The following CFAP46 variants were observed in gnomAD, a reference collection of about 807,000 sequenced individuals.
CFAP46 encodes the protein cilia- and flagella-associated protein 46.
CFAP46 carries 245 observed loss-of-function variants against 325.7 expected under a neutral mutation model. The observed-to-expected ratio is 0.75, with a 90% CI of 0.68 to 0.84. The LOEUF (loss-of-function observed/expected upper bound fraction) is 0.84, where lower values mean the gene tolerates loss of function less well. Ranked by LOEUF, CFAP46 falls within the 40% of genes least tolerant of loss-of-function variation. The pLI is 0.00. For synonymous variants in CFAP46, 1,523 were observed against 1,495.9 expected, an observed-to-expected ratio of 1.02 and a Z score of -0.42; for missense variants, 3,346 against 3,543.0, an observed-to-expected ratio of 0.94 and a Z score of 1.41.
chr10:132,824,863 CTGATGTGTGCTGTGTGTGCAG>C (rs1848006593), intron 50 of CFAP46, among the ~76,000 whole-genome samples: 1 of 123,750 alleles, frequency 8.1e-6, no homozygotes, highest in Non-Finnish European at 1.6e-5. Flanking sequence ...TGTGTGTGTG[CTGATGTGTGCTGTGTGTGCAG>C]TGATGTGTGC....
rs564299030 is a variant in CFAP46, at chr10:132,814,075, G to A, written c.7388+77C>T. On this transcript the variant is annotated intron_variant, in intron 54 of 57. Coordinates refer to ENST00000368586, the MANE Select transcript of CFAP46 (RefSeq NM_001200049.3). ...GGCAGGGCAGACCCAGGGAGCCGGG[G>A]GTAGGGGGCAGTGGCTCCCCGCTGG... The A allele has an allele frequency of 1.6e-4, 185 of 1,148,792 alleles. 1 individual carries two copies. The African/African-American group carries it at 2.4e-3, about 15-fold the overall frequency. The allele number at this position is 1,148,792 out of a possible 1,614,324, so 71.2% of individuals were successfully genotyped here. A position where few individuals can be genotyped will look rare whatever the true frequency, so the allele number is the denominator to read the frequency against.
intron 24 of CFAP46, among the ~76,000 whole-genome samples, chr10:132,895,182 T>C (rs1454987810): frequency 2.0e-5 from 3 of 152,180 alleles, no homozygotes; most frequent in African/African-American, 7.2e-5. Flanking sequence ...ATGCACAGTA[T>C]TCAGCATTAA....
chr10:132,852,324 C>T (rs1848567774), intron 39 of CFAP46, among the ~76,000 whole-genome samples: 1 of 110,844 alleles, frequency 9.0e-6, no homozygotes, highest in African/African-American at 3.2e-5. Context: ...CCTCCATTTA[C>T]TTAGGAATTC....
chr10:132,935,499 ACTCCCCT>A (rs1849982660), intron 7 of CFAP46, among the ~76,000 whole-genome samples: 1 of 137,238 alleles, frequency 7.3e-6, no homozygotes. Flanking sequence ...TGATCTCCTC[ACTCCCCT>A]CAGCACCCAA....
chr10:132,838,370 A>T (rs879369878), intron 44 of CFAP46, among the ~76,000 whole-genome samples: 2 of 152,286 alleles, frequency 1.3e-5, no homozygotes, highest in Non-Finnish European at 2.9e-5. Context: ...ATATACAGAA[A>T]GTGGCGTAAA....
chr10:132,873,518 C>G (rs1382209474), intron 31 of CFAP46, among the ~76,000 whole-genome samples: 5 of 152,118 alleles, frequency 3.3e-5, no homozygotes, highest in Non-Finnish European at 7.3e-5. Flanking sequence ...CTATCAGGCA[C>G]TGAGGCAGCT....
At chr10:132,839,644 G>C (rs1339422577) in intron 44 of CFAP46, among the ~76,000 whole-genome samples, 1 of 152,178 alleles carries the variant, frequency 6.6e-6, no homozygotes, top group Non-Finnish European at 1.5e-5. Flanking sequence ...ATGCATGCTA[G>C]GGCTGTATAG....
chr10:132,812,164 G>A (rs560038788), intron 55 of CFAP46, among the ~76,000 whole-genome samples: 10 of 152,306 alleles, frequency 6.6e-5, no homozygotes, highest in Non-Finnish European at 8.8e-5. Flanking sequence ...TGCTGTCTCC[G>A]TCAGCACTAC....
At chr10:132,887,165 T>TC (rs1564790349) in intron 25 of CFAP46, among the ~76,000 whole-genome samples, 1 of 31,442 alleles carries the variant, frequency 3.2e-5, no homozygotes, top group African/African-American at 3.4e-4. Flanking sequence ...CTCCTCTCTC[T>TC]TCTTTCCTCT....
chr10:132,837,867 GCACA>G (rs1173693280), intron 44 of CFAP46, among the ~76,000 whole-genome samples: 2 of 136,284 alleles, frequency 1.5e-5, no homozygotes, highest in South Asian at 2.4e-4. Flanking sequence ...GTACACAGAT[GCACA>G]CACACAGACA....
rs376917416 is a variant in CFAP46, at chr10:132,880,850, C to T, written c.3799+11G>A. ...CGTGGGGTCGGCACCCTGCCAGCGG[C>T]GTGGGCTCACCATCCGGCGTGGGCT... On this transcript the variant is annotated intron_variant, in intron 28 of 57. Transcript: ENST00000368586. The T allele has an allele frequency of 3.2e-5, 50 of 1,543,536 alleles. No individual in the cohort carries two copies. Among genetic ancestry groups the T allele is most frequent in the Admixed American group, 7.9e-5 (4 of 50,942 alleles).
Position 132,886,674 on chromosome 10 carries a change from C to G in CFAP46, c.3305-715G>C, listed in dbSNP as rs150981885. 3.0e-3 allele frequency among the ~76,000 whole-genome samples: 453 copies of G among 152,276 alleles called. No homozygotes were observed. The highest frequency in any genetic ancestry group is 0.014 in the Middle Eastern group (4 of 294). ...ACAGGGCCGCATCCCTCACACATCC[C>G]CAGTGAGCACAGAACCCAGCCCACT... On this transcript the variant is annotated intron_variant, in intron 25 of 57. Coordinates refer to ENST00000368586, the MANE Select transcript of CFAP46 (RefSeq NM_001200049.3). This position sits in a 1 kb window ranked among gnomAD's most constrained non-coding sequence, Gnocchi z 5.8.
intron 22 of CFAP46, among the ~76,000 whole-genome samples, chr10:132,900,521 C>G (rs1849379029): frequency 6.6e-6 from 1 of 152,244 alleles, no homozygotes; most frequent in South Asian, 2.1e-4. Context: ...GCCAGGGTCC[C>G]AGAGCCAGGA....
At chr10:132,857,929 G>A (rs989241970) in intron 38 of CFAP46, 141 bp from the exon 39 acceptor site, 48 of 735,292 alleles carry the variant, frequency 6.5e-5, no homozygotes, top group Non-Finnish European at 6.7e-5. Context: ...AGACATCCTC[G>A]ATACGTCTTA....
intron 22 of CFAP46, among the ~76,000 whole-genome samples, chr10:132,901,336 C>G (rs1204150056): frequency 6.6e-6 from 1 of 152,224 alleles, no homozygotes; most frequent in East Asian, 1.9e-4. Context: ...TTTTGACTTA[C>G]ATGTTCTTTG....
chr10:132,821,682 ATGTGTGC>A (rs1192613914), intron 50 of CFAP46, among the ~76,000 whole-genome samples: 1 of 85,726 alleles, frequency 1.2e-5, no homozygotes, highest in Non-Finnish European at 2.1e-5. Context: ...GTGTGTGCTG[ATGTGTGC>A]TGTGTGCTGA....
Position 132,880,948 on chromosome 10 carries a change from C to T in CFAP46, c.3712G>A (p.Val1238Met), listed in dbSNP as rs1235064343. 2.6e-6 allele frequency: 4 copies of T among 1,550,346 alleles called. No homozygotes were observed. Among genetic ancestry groups the T allele is most frequent in the Non-Finnish European group, 3.5e-6 (4 of 1,146,980 alleles). ...LHHRHFPLEDVVFHLRWAVEI... is the reference protein window; with the variant it reads ...LHHRHFPLEDMVFHLRWAVEI... ...ACAGCCCAGCGGAGGTGGAAGACCA[C>T]GTCCTCGAGAGGAAAGTGTCTGTGA... Residue 1238 changes from valine (V) to methionine (M), a missense_variant, in exon 28 of 58, where the codon GTG becomes ATG. Val to Met is a conservative substitution (Grantham distance 21). Coordinates refer to ENST00000368586, the MANE Select transcript of CFAP46 (RefSeq NM_001200049.3).
chr10:132,912,544 T>A (rs1849564711), intron 19 of CFAP46, 111 bp downstream of exon 19: 1 of 966,666 alleles, frequency 1.0e-6, no homozygotes, highest in Non-Finnish European at 1.5e-6. Context: ...TCCTCTCCTC[T>A]CTCTCTCTCT....
intron 40 of CFAP46, 108 bp downstream of exon 40, chr10:132,851,009 C>T (rs983512448): frequency 2.2e-6 from 3 of 1,365,920 alleles, no homozygotes; most frequent in Middle Eastern, 5.1e-4. Flanking sequence ...CTGACCCGCA[C>T]CGCCAGGTGC....
Sources: gnomAD v4.1 joint callset for allele counts (sites outside exome capture counted in the v4.1 genomes callset) on GRCh38, gnomAD v4.1.1 for gene constraint, Gnocchi (gnomAD v3.1) non-coding constraint, MANE v1.5 for transcripts, NCBI Gene and HGNC (gene_info 2026-07-23, HGNC 2026-07-21) for gene names.